The following TBX2 variants were observed in gnomAD, a reference collection of about 807,000 sequenced individuals.
The protein encoded by TBX2 is T-box transcription factor TBX2.
TBX2 carries 19 observed loss-of-function variants against 48.4 expected under a neutral mutation model. The observed-to-expected ratio is 0.39, with a 90% CI of 0.27 to 0.58. TBX2 has a LOEUF of 0.58. Ranked by LOEUF, TBX2 falls within the 20% of genes least tolerant of loss-of-function variation. The pLI, the probability that TBX2 is intolerant of heterozygous loss-of-function variation, is 0.54. For synonymous variants in TBX2, 522 were observed against 459.7 expected (o/e 1.14, Z -1.73); for missense variants, 994 against 1,006.5 (o/e 0.99, Z 0.17).
chr17:61,405,021 G>A (rs1462052823), intron 5 of TBX2, 181 bp from the exon 6 acceptor site: 4 of 1,363,668 alleles, frequency 2.9e-6, no homozygotes, highest in Non-Finnish European at 4.0e-6. Flanking sequence ...TCCTCTCCAG[G>A]GCTGGGTTCC....
intron 3 of TBX2, among the ~76,000 whole-genome samples, chr17:61,404,124 G>A (rs149931282): frequency 2.6e-5 from 4 of 152,230 alleles, no homozygotes; most frequent in African/African-American, 7.2e-5. Flanking sequence ...CCCGCGGGCG[G>A]GTGTGCATGC....
At position 61,400,896 on chromosome 17, in the gene TBX2, G is replaced by T. The variant is rs1013399032; in HGVS notation, c.395+325G>T. Among the ~76,000 whole-genome samples the T allele has an allele frequency of 1.2e-4, 19 of 152,324 alleles. No individual in the cohort carries two copies. In the East Asian group the frequency reaches 3.3e-3, roughly 26 times the overall value. ...GCCCTGGCGGTCTCCTCCGCCCCGC[G>T]CTCTCGCTCTTCTGCGTCCGGGTCC... On this transcript the variant is annotated intron_variant, in intron 1 of 6. Coordinates refer to ENST00000240328, the MANE Select transcript of TBX2 (RefSeq NM_005994.4). This position sits in a 1 kb window ranked among gnomAD's most constrained non-coding sequence, Gnocchi z 9.2.
Position 61,403,066 on chromosome 17 carries a change from C to A in TBX2, c.669C>A (p.Ile223=). Residue 223 remains isoleucine (I), a synonymous_variant, in exon 3 of 7, where the codon ATC becomes ATA. Coordinates refer to ENST00000240328, the MANE Select transcript of TBX2 (RefSeq NM_005994.4). The surrounding 1 kb of genome is among the most constrained non-coding windows in gnomAD (Gnocchi z 5.8). ...NNISDKHGFT[I]LNSMHKYQPR... ...GACCCCCACCCTCCCCGCAGACCAT[C>A]CTAAACTCCATGCACAAGTACCAGC... 6.2e-7 allele frequency: 1 copy of A among 1,612,462 alleles called. No individual in the cohort carries two copies. The highest frequency in any genetic ancestry group is 8.5e-7 in the Non-Finnish European group (1 of 1,179,784).
At chr17:61,402,079 C>T (rs970505028) in intron 2 of TBX2, 128 bp downstream of exon 2, 45 of 1,351,650 alleles carry the variant, frequency 3.3e-5, no homozygotes, top group East Asian at 9.9e-5. Context: ...TGCCCCTGCC[C>T]GGGTCACTGC....
In TBX2 at chr17:61,405,493, C is replaced by G. The variant is rs776350683; in HGVS notation, c.1343C>G (p.Ala448Gly). Residue 448 changes from alanine to glycine, a missense_variant, in exon 6 of 7, where the codon GCG becomes GGG. By Grantham distance (60) the Ala-to-Gly change is moderately conservative. Around this residue, in one of 5 missense-constraint regions of TBX2, gnomAD observed 639 missense variants for 613.2 expected, o/e 1.04. Transcript: ENST00000240328. ...GCCGAGGGCAAGGAGCAGGGCCTGG[C>G]GCCGCTGGTGGTGCAGACAGACAGT... ...EAAEGKEQGL[A>G]PLVVQTDSAS... The G allele has an allele frequency of 1.3e-6, 2 of 1,580,456 alleles. No individual in the cohort carries two copies. Among genetic ancestry groups the G allele is most frequent in the Non-Finnish European group, 1.7e-6 (2 of 1,166,122 alleles).
In TBX2 at chr17:61,400,363, G is replaced by T. The variant is rs901242277; in HGVS notation, c.187G>T (p.Ala63Ser). 11 of 1,021,490 alleles carry T rather than the reference G, an allele frequency of 1.1e-5. No homozygotes were observed. Among genetic ancestry groups the T allele is most frequent in the Admixed American group, 1.2e-4 (2 of 16,942 alleles). The allele number at this position is 1,021,490 out of a possible 1,614,324, so 63.3% of individuals were successfully genotyped here. A position where few individuals can be genotyped will look rare whatever the true frequency, so the allele number is the denominator to read the frequency against. Residue 63 changes from alanine to serine, a missense_variant, in exon 1 of 7, where the codon GCG (alanine) becomes TCG (serine). Ala to Ser is a moderately conservative substitution (Grantham distance 99, BLOSUM62 1). Transcript: ENST00000240328. This position sits in a 1 kb window ranked among gnomAD's most constrained non-coding sequence, Gnocchi z 9.2. ...CCCGGGCCTGGCGGGGGCGGCGGCC[G>T]CGGCGGCGGCGGCGGCAGCAGCGGC... ...PDPGLAGAAA[A>S]AAAAAAAAEA... is the part of the protein sequence containing the mutation.
At position 61,408,500 on chromosome 17, in the gene TBX2, C is replaced by T. The variant is rs1396149619; in HGVS notation, c.2133C>T (p.Pro711=). 1 of 1,442,346 alleles carries T rather than the reference C, an allele frequency of 6.9e-7. No homozygotes were observed. Among genetic ancestry groups the T allele is most frequent in the Non-Finnish European group, 9.1e-7 (1 of 1,097,844 alleles). 89.3% of individuals were successfully genotyped at this position (1,442,346 alleles called of 1,614,324 possible). A position where few individuals can be genotyped will look rare whatever the true frequency, so the allele number is the denominator to read the frequency against. Reference sequence around the variant, plus strand: ...CCCTCTCCCCAGGCCGGGAGTCGCCCAAGTGAGGGGCTGCCCAGCTGCTCC... The same window carrying T: ...CCCTCTCCCCAGGCCGGGAGTCGCCTAAGTGAGGGGCTGCCCAGCTGCTCC... ...QRALSPGRES[P]K is the part of the protein sequence containing the mutation. Residue 711 remains proline, a synonymous_variant, in exon 7 of 7, where the codon CCC becomes CCT. Coordinates refer to ENST00000240328, the MANE Select transcript of TBX2 (RefSeq NM_005994.4).
Position 61,402,979 on chromosome 17 carries a change from G to C in TBX2, c.664-82G>C, listed in dbSNP as rs2060270872. 5.4e-6 allele frequency: 6 copies of C among 1,112,514 alleles called. No individual in the cohort carries two copies. The Admixed American group carries it at 2.2e-4, about 40-fold the overall frequency. The allele number at this position is 1,112,514 out of a possible 1,614,324, so 68.9% of individuals were successfully genotyped here. A position where few individuals can be genotyped will look rare whatever the true frequency, so the allele number is the denominator to read the frequency against. On this transcript the variant is annotated intron_variant, in intron 2 of 6. Transcript: ENST00000240328. ...GAGAGAGAGAGAGAGAGAAAGTGGA[G>C]AGGAAGAGGTCAGGTACCCAAAGAA...
intron 2 of TBX2, 111 bp from the exon 3 acceptor site, chr17:61,402,950 G>C (rs1419987320): frequency 1.0e-6 from 1 of 983,474 alleles, no homozygotes; most frequent in Non-Finnish European, 1.3e-6. Context: ...GAGAGAGAGA[G>C]AGAGAGAGAG....
At chr17:61,402,956 GA>G in intron 2 of TBX2, 104 bp from the exon 3 acceptor site, 1 of 179,194 alleles carries the variant, frequency 5.6e-6, no homozygotes, top group Non-Finnish European at 9.2e-6. Context: ...GAGAGAGAGA[GA>G]GAGAGAGAGA....
chr17:61,405,108 C>A, intron 5 of TBX2, 94 bp from the exon 6 acceptor site: 1 of 1,497,192 alleles, frequency 6.7e-7, no homozygotes, highest in Non-Finnish European at 8.9e-7. Flanking sequence ...TCCTCCGACT[C>A]GGCCTCCCCG....
intron 2 of TBX2, 131 bp from the exon 3 acceptor site, chr17:61,402,930 T>TAGAGAGAGAGAGAGAGAG (rs1555876930): frequency 1.0e-3 from 176 of 172,542 alleles, no homozygotes; most frequent in Middle Eastern, 2.7e-3. Flanking sequence ...GAAGAACCGA[T>TAGAGAGAGAGAGAGAGAG]AGAGAGAGAG....
At position 61,400,493 on chromosome 17, in the gene TBX2, A is replaced by G. The variant is rs1331302385; in HGVS notation, c.317A>G (p.Lys106Arg). Reference sequence around the variant, plus strand: ...GAGGACGAGGTGGAGGACGACCCCAAGGTGACGCTGGAGGCCAAGGAGCTG... The same window carrying G: ...GAGGACGAGGTGGAGGACGACCCCAGGGTGACGCTGGAGGCCAAGGAGCTG... Reference protein sequence around the residue: ...EPEDEVEDDPKVTLEAKELWD... With the variant: ...EPEDEVEDDPRVTLEAKELWD... The change falls in exon 1 of 7, where the codon AAG becomes AGG. Residue 106 changes from lysine to arginine, a missense_variant. Transcript: ENST00000240328. This position sits in a 1 kb window ranked among gnomAD's most constrained non-coding sequence, Gnocchi z 9.2. 2 of 1,602,018 alleles carry G rather than the reference A, an allele frequency of 1.2e-6. No individual in the cohort carries two copies. Among genetic ancestry groups the G allele is most frequent in the Non-Finnish European group, 1.7e-6 (2 of 1,175,302 alleles).
rs78659340 is a variant in TBX2, at chr17:61,402,484, G to A, written c.663+533G>A. 5.3e-3 allele frequency among the ~76,000 whole-genome samples: 793 copies of A among 150,922 alleles called. 5 individuals are homozygous for A. Among genetic ancestry groups the A allele is most frequent in the Middle Eastern group, 0.031 (9 of 292 alleles). ...GCAGATGCCCAACTAGGAGGAGAGG[G>A]TTTGGGGGTTCTCTCCATTTATGCC... On this transcript the variant is annotated intron_variant, in intron 2 of 6. Transcript: ENST00000240328.
chr17:61,405,098 TC>T, intron 5 of TBX2, 103 bp from the exon 6 acceptor site: 1 of 1,503,542 alleles, frequency 6.7e-7, no homozygotes, highest in Non-Finnish European at 8.9e-7. Context: ...CTCCAGCAGC[TC>T]CTCCGACTCG....
rs1162880145 is a variant in TBX2 at position 61,405,265 on chromosome 17, C to A, written c.1115C>A (p.Ala372Glu). ...CCTGAGCGGTTGAGCGAGGAGCGTG[C>A]GGGGGCGCCGCTAGGCCGCAGCCCG... ...PEPERLSEERAGAPLGRSPAP... is the reference protein window; with the variant it reads ...PEPERLSEEREGAPLGRSPAP... The change falls in exon 6 of 7, where the codon GCG (alanine) becomes GAG (glutamate). Residue 372 changes from alanine to glutamate, a missense_variant. Ala to Glu is a moderately radical substitution (Grantham distance 107). This residue lies in a region of TBX2 where 639 missense variants were observed against 613.2 expected (regional missense o/e 1.04). Coordinates refer to ENST00000240328, the MANE Select transcript of TBX2 (RefSeq NM_005994.4). 5 of 1,569,778 alleles carry A rather than the reference C, an allele frequency of 3.2e-6. No individual in the cohort carries two copies. Among genetic ancestry groups the A allele is most frequent in the Non-Finnish European group, 4.3e-6 (5 of 1,165,962 alleles).
intron 1 of TBX2, among the ~76,000 whole-genome samples, chr17:61,401,230 C>G (rs8078820): frequency 0.094 from 14,265 of 152,114 alleles, 928 homozygotes; most frequent in East Asian, 0.29. Flanking sequence ...AACTGCACGG[C>G]CAGGATGTCT....
intron 6 of TBX2, chr17:61,407,785 C>T: frequency 2.2e-6 from 1 of 460,678 alleles, no homozygotes. Context: ...CTGGAATGTC[C>T]TTTCCATTAC....
chr17:61,402,930 TAG>T (rs1555876930), intron 2 of TBX2, 129 bp from the exon 3 acceptor site: 1,848 of 171,962 alleles, frequency 0.011, 7 homozygotes, highest in Middle Eastern at 0.03. Flanking sequence ...GAAGAACCGA[TAG>T]AGAGAGAGAG....
Sources: allele counts gnomAD v4.1 joint callset (sites outside exome capture counted in the v4.1 genomes callset), GRCh38; gene constraint gnomAD v4.1.1; regional missense constraint gnomAD v4.1.1; non-coding constraint Gnocchi (gnomAD v3.1); transcripts MANE v1.5; gene names NCBI Gene and HGNC (gene_info 2026-07-23, HGNC 2026-07-21).